CMSS1: variants seen among roughly 807,000 people sequenced by gnomAD.
CMSS1 encodes the protein protein CMSS1.
In CMSS1, 33 loss-of-function variants were observed where a neutral mutation model predicts 43.5. That is an observed-to-expected ratio of 0.76 (90% CI 0.57 to 1.01). The LOEUF is 1.01. Among genes scored for constraint, CMSS1 ranks in the 50% least tolerant of loss-of-function variants. CMSS1 has a pLI of 0.00. For missense variants in CMSS1, 313 were observed against 326.4 expected (o/e 0.96, Z 0.32); for synonymous variants, 115 against 117.2 (o/e 0.98, Z 0.12).
intron 1 of CMSS1, among the ~76,000 whole-genome samples, chr3:99,880,296 A>C (rs979046176): frequency 6.6e-6 from 1 of 152,194 alleles, no homozygotes; most frequent in African/African-American, 2.4e-5. Context: ...AGATACCCAC[A>C]TGAAATATAC....
intron 1 of CMSS1, among the ~76,000 whole-genome samples, chr3:99,974,751 G>T (rs1708921555): frequency 6.6e-6 from 1 of 152,034 alleles, no homozygotes; most frequent in Non-Finnish European, 1.5e-5. Flanking sequence ...CATGTTTGGA[G>T]TGGAAAAAAC....
Position 99,887,007 on chromosome 3 carries a change from C to T in CMSS1, c.64+68964C>T, listed in dbSNP as rs997142307. Among the ~76,000 whole-genome samples, 4 of 150,356 alleles carry T rather than the reference C, an allele frequency of 2.7e-5. 1 individual carries two copies. In the South Asian group the frequency reaches 6.3e-4, roughly 24 times the overall value. ...AAAGTACTGGCCGGGTGTGGTGGCT[C>T]ATGCCTGTAATCCCAGCACTTTGAG... On this transcript the variant is annotated intron_variant, in intron 1 of 9. Transcript: ENST00000421999.
chr3:99,900,577 A>C (rs1251430559), intron 1 of CMSS1, among the ~76,000 whole-genome samples: 1 of 152,234 alleles, frequency 6.6e-6, no homozygotes, highest in African/African-American at 2.4e-5. Context: ...TGTTATAACT[A>C]AGGTGTAATT....
chr3:99,951,116 AG>A (rs1349373703), intron 1 of CMSS1, among the ~76,000 whole-genome samples: 2 of 152,142 alleles, frequency 1.3e-5, no homozygotes, highest in African/African-American at 4.8e-5. Flanking sequence ...TCTCACTCAT[AG>A]GCCTTTGCCT....
intron 1 of CMSS1, among the ~76,000 whole-genome samples, chr3:99,852,833 A>T (rs907385330): frequency 6.6e-6 from 1 of 152,112 alleles, no homozygotes; most frequent in African/African-American, 2.4e-5. Flanking sequence ...CTTTTCTGTA[A>T]TTTTCTGTAA....
chr3:100,062,417 GTCT>G (rs944578075), intron 1 of CMSS1, among the ~76,000 whole-genome samples: 3 of 151,986 alleles, frequency 2.0e-5, no homozygotes, highest in Non-Finnish European at 2.9e-5. Context: ...GGTCTATCCT[GTCT>G]TCTTTTAACA....
intron 1 of CMSS1, among the ~76,000 whole-genome samples, chr3:100,003,244 A>G (rs1229949911): frequency 6.6e-6 from 1 of 152,216 alleles, no homozygotes; most frequent in African/African-American, 2.4e-5. Context: ...TGGAGAAAAT[A>G]AAAGAATGTT....
At position 99,848,671 on chromosome 3, in the gene CMSS1, A is replaced by G. The variant is rs1343988647; in HGVS notation, c.64+30628A>G. The G allele has an allele frequency of 1.9e-6, 3 of 1,614,064 alleles. No homozygotes were observed. The African/African-American group carries it at 4.0e-5, about 22-fold the overall frequency. Reference sequence around the variant, plus strand: ...TGAACCAGTCACAGCCAAAACCTGAATAGGGGACATTGTCCTTTCTGGAGT... The same window carrying G: ...TGAACCAGTCACAGCCAAAACCTGAGTAGGGGACATTGTCCTTTCTGGAGT... On this transcript the variant is annotated intron_variant, in intron 1 of 9. Transcript: ENST00000421999.
At chr3:99,850,217 T>G (rs1433432547) in intron 1 of CMSS1, 1 of 1,613,264 alleles carries the variant, frequency 6.2e-7, no homozygotes, top group Admixed American at 1.7e-5. Flanking sequence ...AAATCCTCTT[T>G]TAGAGTGAAT....
intron 1 of CMSS1, among the ~76,000 whole-genome samples, chr3:100,091,633 C>T (rs2066111919): frequency 6.6e-6 from 1 of 152,162 alleles, no homozygotes; most frequent in Admixed American, 6.6e-5. Context: ...TTCTCAATTT[C>T]CCACATAATC....
intron 1 of CMSS1, among the ~76,000 whole-genome samples, chr3:99,929,697 C>T (rs1445082470): frequency 6.6e-6 from 1 of 152,180 alleles, no homozygotes; most frequent in Non-Finnish European, 1.5e-5. Context: ...TTCTTTTTAA[C>T]TTTCCTATTG....
intron 1 of CMSS1, among the ~76,000 whole-genome samples, chr3:100,047,865 T>C (rs940494560): frequency 1.3e-5 from 2 of 151,938 alleles, no homozygotes; most frequent in Non-Finnish European, 2.9e-5. Flanking sequence ...GTTGTCAAAA[T>C]GACAGGGTGG....
At chr3:99,960,507 A>G (rs1708459159) in intron 1 of CMSS1, among the ~76,000 whole-genome samples, 1 of 152,202 alleles carries the variant, frequency 6.6e-6, no homozygotes, top group Non-Finnish European at 1.5e-5. Flanking sequence ...TAGGAATATA[A>G]AAGATTACAG....
chr3:99,942,596 C>T (rs1246713561), intron 1 of CMSS1, among the ~76,000 whole-genome samples: 2 of 152,176 alleles, frequency 1.3e-5, no homozygotes, highest in Non-Finnish European at 2.9e-5. Context: ...CTTTGGGAGA[C>T]CGAGGCGGGC....
chr3:99,818,476 T>A (rs769951025), intron 1 of CMSS1, among the ~76,000 whole-genome samples: 2 of 152,220 alleles, frequency 1.3e-5, no homozygotes, highest in South Asian at 4.1e-4. Context: ...TCCTCATCTG[T>A]AAAATAATGA....
chr3:100,095,845 G>A (rs561268530), intron 1 of CMSS1, among the ~76,000 whole-genome samples: 4 of 152,028 alleles, frequency 2.6e-5, no homozygotes, highest in African/African-American at 7.2e-5. Flanking sequence ...CCCACAGAAC[G>A]GGAGAAAATA....
intron 1 of CMSS1, among the ~76,000 whole-genome samples, chr3:99,829,599 G>C (rs1459086769): frequency 6.6e-6 from 1 of 152,178 alleles, no homozygotes; most frequent in East Asian, 1.9e-4. Context: ...GAAAATCTAG[G>C]ATTGGAATTT....
At chr3:99,819,326 G>A (rs1942385710) in intron 1 of CMSS1, among the ~76,000 whole-genome samples, 2 of 152,144 alleles carry the variant, frequency 1.3e-5, no homozygotes, top group Admixed American at 6.5e-5. Flanking sequence ...ATGAACAGAG[G>A]CCATTTAAGA....
At chr3:99,982,889 C>G (rs1024928166) in intron 1 of CMSS1, among the ~76,000 whole-genome samples, 1 of 152,130 alleles carries the variant, frequency 6.6e-6, no homozygotes, top group African/African-American at 2.4e-5. Context: ...AGGCTTGCAG[C>G]TGAAGACAGC....
Sources: allele counts gnomAD v4.1 joint callset (sites outside exome capture counted in the v4.1 genomes callset), GRCh38; gene constraint gnomAD v4.1.1; transcripts MANE v1.5; gene names NCBI Gene and HGNC (gene_info 2026-07-23, HGNC 2026-07-21).